Variants in GSDMA observed in about 807,000 individuals in gnomAD.
The protein encoded by GSDMA is gasdermin A.
GSDMA carries 55 observed loss-of-function variants against 54.3 expected under a neutral mutation model. The ratio of observed to expected loss-of-function variants is 1.01; its 90% CI spans 0.82 to 1.27. The LOEUF is 1.27. Ranked by LOEUF, GSDMA falls within the 50% of genes most tolerant of loss-of-function variation. The probability of loss-of-function intolerance (pLI) is 0.00; values close to 1 mark genes in which losing one functional copy is unlikely to be tolerated. For synonymous variants in GSDMA, 211 were observed against 224.7 expected (o/e 0.94, Z 0.54); for missense variants, 542 against 542.6 (o/e 1.00, Z 0.01).
intron 9 of GSDMA, 147 bp downstream of exon 9, chr17:39,974,574 G>C: frequency 1.1e-6 from 1 of 870,222 alleles, no homozygotes; most frequent in Middle Eastern, 3.6e-4. Context: ...CCTTCCCCAA[G>C]GCTGGCCACG....
At chr17:39,973,860 C>A in intron 8 of GSDMA, 30 bp downstream of exon 8, 1 of 1,605,642 alleles carries the variant, frequency 6.2e-7, no homozygotes, top group Non-Finnish European at 8.5e-7. Flanking sequence ...TCTCCCAAGA[C>A]TTTGGCATGG....
chr17:39,974,395 A>G lies in GSDMA; in HGVS notation c.874A>G (p.Lys292Glu). 1 of 1,590,662 alleles carries G rather than the reference A, an allele frequency of 6.3e-7. No individual in the cohort carries two copies. Among genetic ancestry groups the G allele is most frequent in the Non-Finnish European group, 8.6e-7 (1 of 1,168,816 alleles). ...LLSSLSKLLG[K>E]KKELQDLELA... ...CAGCTCCCTCAGCAAACTTCTAGGGAAGAAAAAGGAGCTACAAGACCTTGA... is the reference window on the plus strand; with the variant it reads ...CAGCTCCCTCAGCAAACTTCTAGGGGAGAAAAAGGAGCTACAAGACCTTGA... Residue 292 changes from lysine (K) to glutamate (E), a missense_variant, in exon 9 of 12, where the codon AAG becomes GAG. Physicochemically the swap from Lys to Glu is moderately conservative, Grantham distance 56. Coordinates refer to ENST00000301659, the MANE Select transcript of GSDMA (RefSeq NM_178171.5).
chr17:39,966,559 A>T, intron 3 of GSDMA, 122 bp downstream of exon 3: 1 of 883,568 alleles, frequency 1.1e-6, no homozygotes, highest in South Asian at 1.9e-5. Flanking sequence ...TGTGGTCATG[A>T]CAGGGGAGCT....
intron 4 of GSDMA, 47 bp from the exon 5 acceptor site, chr17:39,971,477 T>C (rs1979934228): frequency 2.7e-6 from 4 of 1,476,824 alleles, no homozygotes; most frequent in Non-Finnish European, 3.8e-6. Flanking sequence ...CAATATCTCA[T>C]ACTTAAGATG....
At chr17:39,971,331 A>T (rs550651795) in intron 4 of GSDMA, among the ~76,000 whole-genome samples, 193 bp from the exon 5 acceptor site, 1 of 152,256 alleles carries the variant, frequency 6.6e-6, no homozygotes, top group South Asian at 2.1e-4. Context: ...CTAGAGGGAA[A>T]ATCAGCAGAA....
intron 3 of GSDMA, among the ~76,000 whole-genome samples, chr17:39,966,849 C>G (rs1267877995): frequency 1.3e-5 from 2 of 152,194 alleles, no homozygotes; most frequent in Non-Finnish European, 2.9e-5. Flanking sequence ...GTCTTAACTG[C>G]CCCCAGCTGA....
Position 39,970,502 on chromosome 17 carries a change from C to G in GSDMA, c.413C>G (p.Pro138Arg), listed in dbSNP as rs765429116. 9 of 1,584,594 alleles carry G rather than the reference C, an allele frequency of 5.7e-6. No homozygotes were observed. In the African/African-American group the frequency reaches 1.2e-4, roughly 22 times the overall value. ...VQERKLAADH[P>R]FLKEMQDQGE... Reference sequence around the variant, plus strand: ...AACAGGAAGCTGGCAGCAGACCACCCATTCCTGAAGGAGATGCAAGATCAA... The same window carrying G: ...AACAGGAAGCTGGCAGCAGACCACCGATTCCTGAAGGAGATGCAAGATCAA... The change falls in exon 4 of 12, where the codon CCA (proline) becomes CGA (arginine). Residue 138 changes from proline to arginine, a missense_variant. Physicochemically the swap from Pro to Arg is moderately radical, Grantham distance 103. Transcript: ENST00000301659.
intron 10 of GSDMA, among the ~76,000 whole-genome samples, 162 bp from the exon 11 acceptor site, chr17:39,975,762 C>T (rs1199575861): frequency 1.3e-5 from 2 of 152,160 alleles, no homozygotes; most frequent in African/African-American, 4.8e-5. Flanking sequence ...GCCTGCCCTC[C>T]GACTCCAAGA....
At chr17:39,974,823 A>G in intron 9 of GSDMA, 77 bp from the exon 10 acceptor site, 1 of 772,584 alleles carries the variant, frequency 1.3e-6, no homozygotes, top group Non-Finnish European at 2.2e-6. Context: ...CCGCATGTCA[A>G]GGGGTTATTA....
intron 9 of GSDMA, 37 bp downstream of exon 9, chr17:39,974,464 GGC>G: frequency 6.5e-7 from 1 of 1,532,946 alleles, no homozygotes; most frequent in African/African-American, 1.4e-5. Context: ...GGTGGGAGAA[GGC>G]ATGTTTTGGT....
At chr17:39,972,721 C>A in intron 7 of GSDMA, 108 bp downstream of exon 7, 2 of 989,310 alleles carry the variant, frequency 2.0e-6, no homozygotes, top group Non-Finnish European at 3.1e-6. Flanking sequence ...CAGAGCGAAT[C>A]TCAGCAAATA....
chr17:39,972,739 C>A, intron 7 of GSDMA, 126 bp downstream of exon 7: 1 of 883,682 alleles, frequency 1.1e-6, no homozygotes, highest in South Asian at 1.5e-5. Flanking sequence ...ATAATTGTCC[C>A]CGAAACATGG....
intron 1 of GSDMA, 98 bp from the exon 2 acceptor site, chr17:39,965,585 C>A (rs1465743031): frequency 3.7e-6 from 3 of 811,304 alleles, no homozygotes; most frequent in Non-Finnish European, 6.1e-6. Context: ...TGCCTCAGAG[C>A]CGGGTAAACT....
Position 39,974,293 on chromosome 17 carries a change from A to G in GSDMA, c.772A>G (p.Arg258Gly). Residue 258 changes from arginine to glycine, a missense_variant, in exon 9 of 12, where the codon AGG becomes GGG. Physicochemically the swap from Arg to Gly is moderately radical, Grantham distance 125 (BLOSUM62 -2). Coordinates refer to ENST00000301659, the MANE Select transcript of GSDMA (RefSeq NM_178171.5). ...SDVGDVHEGF[R>G]TLKEEVQRET... ...CATAGGGGACGTACACGAAGGCTTC[A>G]GGACACTAAAAGAAGAAGTTCAGAG... The G allele has an allele frequency of 6.2e-7, 1 of 1,611,370 alleles. No homozygotes were observed. The highest frequency in any genetic ancestry group is 2.2e-5 in the East Asian group (1 of 44,850).
intron 9 of GSDMA, 123 bp from the exon 10 acceptor site, chr17:39,974,774 TGAG>T (rs1326210509): frequency 3.0e-6 from 2 of 676,710 alleles, no homozygotes; most frequent in Non-Finnish European, 5.2e-6. Context: ...CTTCAGGACA[TGAG>T]GCCTCGAAAA....
chr17:39,969,098 G>A (rs749713947), intron 3 of GSDMA, among the ~76,000 whole-genome samples: 31 of 152,180 alleles, frequency 2.0e-4, no homozygotes, highest in African/African-American at 5.3e-4. Flanking sequence ...TCTCACTCCC[G>A]TAAGCCCAGC....
intron 1 of GSDMA, among the ~76,000 whole-genome samples, chr17:39,965,056 G>C (rs1445771042): frequency 1.3e-5 from 2 of 151,590 alleles, no homozygotes; most frequent in Non-Finnish European, 2.9e-5. Context: ...GGCGGTCAAG[G>C]CTGCAGTGAG....
At chr17:39,966,478 G>T (rs781701977) in intron 3 of GSDMA, 41 bp downstream of exon 3, 1 of 1,523,848 alleles carries the variant, frequency 6.6e-7, no homozygotes, top group Non-Finnish European at 8.9e-7. Flanking sequence ...GGATGTGGGT[G>T]GGGCAGTGCA....
chr17:39,968,339 CTT>C (rs60315845), intron 3 of GSDMA, among the ~76,000 whole-genome samples: 23 of 41,364 alleles, frequency 5.6e-4, no homozygotes, highest in Admixed American at 9.8e-4. Flanking sequence ...TGAGCCCGGT[CTT>C]TTTTTTTTTT....
Sources: allele counts gnomAD v4.1 joint callset (sites outside exome capture counted in the v4.1 genomes callset), GRCh38; gene constraint gnomAD v4.1.1; transcripts MANE v1.5; gene names NCBI Gene and HGNC (gene_info 2026-07-23, HGNC 2026-07-21).